Variants in NPNT observed in about 807,000 individuals in gnomAD.
NPNT encodes the protein nephronectin, also known as preosteoblast EGF-like repeat protein with MAM domain.
NPNT carries 45 observed loss-of-function variants against 68.6 expected under a neutral mutation model. The observed-to-expected ratio is 0.66, with a 90% CI of 0.52 to 0.84. NPNT has a LOEUF of 0.84. NPNT is among the 40% of genes least tolerant of loss of function. The pLI is 0.00. For synonymous variants in NPNT, 233 were observed against 253.3 expected, an observed-to-expected ratio of 0.92 and a Z score of 0.76; for missense variants, 672 against 714.8, an observed-to-expected ratio of 0.94 and a Z score of 0.68.
intron 2 of NPNT, among the ~76,000 whole-genome samples, chr4:105,923,122 G>A (rs1174605634): frequency 2.6e-5 from 4 of 152,120 alleles, no homozygotes; most frequent in Admixed American, 2.0e-4. Flanking sequence ...TGATAAGGAA[G>A]GGATGACCTA....
At chr4:105,943,828 A>T (rs1442966076) in intron 8 of NPNT, among the ~76,000 whole-genome samples, 1 of 152,146 alleles carries the variant, frequency 6.6e-6, no homozygotes, top group African/African-American at 2.4e-5. Context: ...TATCAGGTGA[A>T]AAAAATACTG....
intron 2 of NPNT, among the ~76,000 whole-genome samples, chr4:105,921,008 TAAAAC>T (rs1426929251): frequency 6.6e-6 from 1 of 152,162 alleles, no homozygotes; most frequent in Non-Finnish European, 1.5e-5. Flanking sequence ...AGCATCTACA[TAAAAC>T]AAGCAACAGG....
At chr4:105,930,249 A>G (rs1034234309) in intron 3 of NPNT, among the ~76,000 whole-genome samples, 1 of 152,196 alleles carries the variant, frequency 6.6e-6, no homozygotes, top group African/African-American at 2.4e-5. Context: ...TATTAAAGTG[A>G]CTTGCACATG....
intron 2 of NPNT, among the ~76,000 whole-genome samples, chr4:105,904,261 C>A (rs1043406151): frequency 6.6e-6 from 1 of 152,154 alleles, no homozygotes; most frequent in Non-Finnish European, 1.5e-5. Context: ...AGTGTTTCTG[C>A]AAAATAAATT....
At chr4:105,944,879 A>G (rs1730255203) in intron 8 of NPNT, among the ~76,000 whole-genome samples, 1 of 152,254 alleles carries the variant, frequency 6.6e-6, no homozygotes, top group South Asian at 2.1e-4. Context: ...CTAAGTTTTT[A>G]ATTCAGGACA....
intron 10 of NPNT, 50 bp downstream of exon 10, chr4:105,959,176 T>C (rs1731485503): frequency 1.8e-6 from 2 of 1,134,014 alleles, no homozygotes; most frequent in South Asian, 2.5e-5. Flanking sequence ...AATGTGATAC[T>C]ATCTGAAGAC....
chr4:105,899,887 G>C (rs1361190584), intron 2 of NPNT, among the ~76,000 whole-genome samples: 2 of 152,204 alleles, frequency 1.3e-5, no homozygotes, highest in Non-Finnish European at 2.9e-5. Flanking sequence ...TAAGCAGGTA[G>C]AGGAATGTGG....
chr4:105,918,867 T>C (rs895066861), intron 2 of NPNT, among the ~76,000 whole-genome samples: 2 of 152,168 alleles, frequency 1.3e-5, no homozygotes, highest in Non-Finnish European at 2.9e-5. Flanking sequence ...GGTTTTCTCA[T>C]TTAGTCCTCC....
At chr4:105,940,411 C>G in intron 6 of NPNT, 103 bp from the exon 7 acceptor site, 5 of 1,189,760 alleles carry the variant, frequency 4.2e-6, no homozygotes, top group Non-Finnish European at 6.0e-6. Context: ...TTATGTAGAT[C>G]ATCACATTGC....
chr4:105,945,650 C>T (rs1270818226), intron 8 of NPNT, among the ~76,000 whole-genome samples: 1 of 152,184 alleles, frequency 6.6e-6, no homozygotes, highest in Non-Finnish European at 1.5e-5. Context: ...AGTGCTACCA[C>T]CCTGGCCCAA....
intron 2 of NPNT, among the ~76,000 whole-genome samples, chr4:105,910,502 CAA>C (rs71935556): frequency 5.7e-5 from 8 of 140,018 alleles, no homozygotes; most frequent in African/African-American, 1.8e-4. Context: ...GTTTATACCG[CAA>C]AAAAAAAAAA....
chr4:105,966,293 T>C (rs1053434236), intron 10 of NPNT, among the ~76,000 whole-genome samples: 3 of 152,220 alleles, frequency 2.0e-5, no homozygotes, highest in Non-Finnish European at 4.4e-5. Flanking sequence ...TTTCTCTCTC[T>C]TGAGAAGCAG....
chr4:105,915,918 T>G (rs905555498), intron 2 of NPNT, among the ~76,000 whole-genome samples: 21 of 152,218 alleles, frequency 1.4e-4, no homozygotes, highest in African/African-American at 4.6e-4. Context: ...GAGGAACAGC[T>G]TTAAACAGTA....
chr4:105,962,005 C>T (rs1731756450), intron 10 of NPNT, among the ~76,000 whole-genome samples: 1 of 152,052 alleles, frequency 6.6e-6, no homozygotes, highest in Non-Finnish European at 1.5e-5. Flanking sequence ...GGCTCATAGT[C>T]GAGAAACCAG....
intron 2 of NPNT, among the ~76,000 whole-genome samples, chr4:105,901,281 C>A (rs906885723): frequency 1.3e-5 from 2 of 152,112 alleles, no homozygotes; most frequent in African/African-American, 4.8e-5. Flanking sequence ...ACTTTTGTAC[C>A]TGAATAGGTG....
intron 3 of NPNT, among the ~76,000 whole-genome samples, chr4:105,929,241 A>G (rs1560910511): frequency 1.3e-5 from 2 of 152,186 alleles, no homozygotes; most frequent in Admixed American, 6.5e-5. Flanking sequence ...CGTTTTTACA[A>G]TCATCCAGAA....
chr4:105,919,893 T>TC (rs1728114747), intron 2 of NPNT, among the ~76,000 whole-genome samples: 1 of 152,018 alleles, frequency 6.6e-6, no homozygotes, highest in Admixed American at 6.6e-5. Flanking sequence ...GGTAATACAT[T>TC]CACACTGTTT....
chr4:105,931,269 T>G (rs913570925), intron 3 of NPNT, among the ~76,000 whole-genome samples: 3 of 152,154 alleles, frequency 2.0e-5, no homozygotes, highest in African/African-American at 7.2e-5. Flanking sequence ...ATGAAAGACA[T>G]TCTTAGGAAT....
intron 2 of NPNT, chr4:105,902,608 T>C (rs1199928663): frequency 6.6e-6 from 1 of 152,206 alleles, no homozygotes; most frequent in Non-Finnish European, 1.5e-5. Context: ...TAATTTTGAT[T>C]ACTTGCAACA....
Sources: allele counts gnomAD v4.1 joint callset (sites outside exome capture counted in the v4.1 genomes callset), GRCh38; gene constraint gnomAD v4.1.1; transcripts MANE v1.5; gene names NCBI Gene and HGNC (gene_info 2026-07-23, HGNC 2026-07-21).